Variants in DNAH12 observed in about 807,000 individuals in gnomAD.
DNAH12 encodes axonemal beta dynein heavy chain 12.
A neutral mutation model predicts 371.5 loss-of-function variants in DNAH12; 285 were observed. The observed-to-expected ratio is 0.77, with a 90% CI of 0.70 to 0.85. The LOEUF (loss-of-function observed/expected upper bound fraction) is 0.85, where lower values mean the gene tolerates loss of function less well. Among genes scored for constraint, DNAH12 ranks in the 40% least tolerant of loss-of-function variants. The pLI, the probability that DNAH12 is intolerant of heterozygous loss-of-function variation, is 0.00. For missense variants in DNAH12, 3,611 were observed against 3,689.4 expected (o/e 0.98, Z 0.55); for synonymous variants, 1,200 against 1,213.0 (o/e 0.99, Z 0.22).
intron 25 of DNAH12, among the ~76,000 whole-genome samples, chr3:57,451,443 C>A (rs2065752585): frequency 6.6e-6 from 1 of 152,122 alleles, no homozygotes; most frequent in African/African-American, 2.4e-5. Context: ...CCAGCTTGGG[C>A]AAGCAACGTG....
intron 46 of DNAH12, 97 bp from the exon 47 acceptor site, chr3:57,386,700 A>G (rs1423307717): frequency 6.6e-6 from 1 of 152,236 alleles, no homozygotes; most frequent in Non-Finnish European, 1.5e-5. Flanking sequence ...TAAAGATTAC[A>G]TTTTATACAG....
At chr3:57,391,556 C>CT (rs1479601437) in intron 45 of DNAH12, among the ~76,000 whole-genome samples, 1 of 152,172 alleles carries the variant, frequency 6.6e-6, no homozygotes, top group Non-Finnish European at 1.5e-5. Flanking sequence ...AATACACTCC[C>CT]TCTCTATGTA....
At chr3:57,396,290 C>CAAAAA (rs1159748997) in intron 43 of DNAH12, among the ~76,000 whole-genome samples, 22 of 68,700 alleles carry the variant, frequency 3.2e-4, no homozygotes, top group African/African-American at 4.5e-4. Context: ...AAAAAAAAAA[C>CAAAAA]AAAAAAAAAA....
At chr3:57,467,211 C>T (rs545193398) in intron 17 of DNAH12, among the ~76,000 whole-genome samples, 147 of 151,860 alleles carry the variant, frequency 9.7e-4, no homozygotes, top group Non-Finnish European at 1.8e-3. Flanking sequence ...CTCTGCCTCC[C>T]GGGTTCAAAT....
chr3:57,540,728 G>A (rs2069242381), intron 2 of DNAH12, among the ~76,000 whole-genome samples: 1 of 152,072 alleles, frequency 6.6e-6, no homozygotes, highest in East Asian at 1.9e-4. Flanking sequence ...CCAGGAATTT[G>A]AGACCAGACT....
chr3:57,309,808 T>G lies in DNAH12; in HGVS notation c.10943A>C (p.Asn3648Thr), dbSNP rs1394223977. The G allele has an allele frequency of 6.4e-7, 1 of 1,551,126 alleles. No homozygotes were observed. Among genetic ancestry groups the G allele is most frequent in the East Asian group, 2.4e-5 (1 of 40,906 alleles). ...QHPEIFGLHE[N>T]VDISKDLQQT... is the part of the protein sequence containing the mutation. ...TTGAAGATCCTTGGAGATGTCAACG[T>G]TTTCATGTAATCCAAATATCTCAGG... Residue 3648 changes from asparagine to threonine, a missense_variant, in exon 68 of 74, where the codon AAC (asparagine) becomes ACC (threonine). Transcript: ENST00000495027.
rs540300258 is a variant in DNAH12, at chr3:57,323,372, T to A, written c.10129+97A>T. 4.3e-4 allele frequency: 633 copies of A among 1,472,188 alleles called. 1 individual carries two copies. In the African/African-American group the frequency reaches 5.7e-3, roughly 13 times the overall value. The allele number at this position is 1,472,188 out of a possible 1,614,324, so 91.2% of individuals were successfully genotyped here. ...TTCTAGTTACGTTTCTCTGTAAATA[T>A]CAGATTTACTAACTGATTTATAATC... On this transcript the variant is annotated intron_variant, in intron 63 of 73. Coordinates refer to ENST00000495027, the MANE Select transcript of DNAH12 (RefSeq NM_001366028.2).
At chr3:57,463,863 A>G (rs1559688190) in intron 17 of DNAH12, among the ~76,000 whole-genome samples, 4 of 151,866 alleles carry the variant, frequency 2.6e-5, no homozygotes, top group East Asian at 1.9e-4. Context: ...CGCCTTCTGG[A>G]TTCAAGAGAT....
intron 58 of DNAH12, among the ~76,000 whole-genome samples, chr3:57,362,517 C>A (rs2062958880): frequency 6.6e-6 from 1 of 152,248 alleles, no homozygotes; most frequent in African/African-American, 2.4e-5. Context: ...TCCACATCCT[C>A]TCCAGCACCT....
chr3:57,446,904 T>C (rs1177334010), intron 25 of DNAH12, among the ~76,000 whole-genome samples: 2 of 152,244 alleles, frequency 1.3e-5, no homozygotes, highest in Non-Finnish European at 2.9e-5. Context: ...ACTTGTCTTC[T>C]GACACTTTCA....
chr3:57,538,166 G>T (rs187930801), intron 2 of DNAH12, among the ~76,000 whole-genome samples: 119 of 152,298 alleles, frequency 7.8e-4, no homozygotes, highest in African/African-American at 2.4e-3. Flanking sequence ...TCAGTAAGAG[G>T]TAAAGTTTAG....
intron 52 of DNAH12, among the ~76,000 whole-genome samples, chr3:57,377,601 G>T (rs1186475099): frequency 6.8e-6 from 1 of 148,104 alleles, no homozygotes; most frequent in Non-Finnish European, 1.5e-5. Flanking sequence ...TGTTTTGGGT[G>T]TTTTTTTTTT....
At chr3:57,321,502 T>G (rs2061804820) in intron 65 of DNAH12, among the ~76,000 whole-genome samples, 1 of 152,176 alleles carries the variant, frequency 6.6e-6, no homozygotes, top group Non-Finnish European at 1.5e-5. Flanking sequence ...TCTCCATTCT[T>G]GTACTCACTT....
chr3:57,462,469 C>A (rs1316728865), intron 18 of DNAH12, among the ~76,000 whole-genome samples: 1 of 151,986 alleles, frequency 6.6e-6, no homozygotes, highest in Admixed American at 6.6e-5. Flanking sequence ...CCAGGCTGGT[C>A]TCAAACTCCT....
intron 11 of DNAH12, among the ~76,000 whole-genome samples, chr3:57,500,766 C>T (rs1210579433): frequency 6.6e-6 from 1 of 151,694 alleles, no homozygotes; most frequent in Non-Finnish European, 1.5e-5. Flanking sequence ...GTGCTTATGC[C>T]TTTTTTTTAA....
At chr3:57,308,712 C>T (rs1422377049) in intron 69 of DNAH12, among the ~76,000 whole-genome samples, 1 of 152,186 alleles carries the variant, frequency 6.6e-6, no homozygotes, top group African/African-American at 2.4e-5. Flanking sequence ...CCACTCTTAA[C>T]TCTTAAAGTA....
intron 62 of DNAH12, among the ~76,000 whole-genome samples, chr3:57,329,673 C>T (rs1412239656): frequency 7.4e-4 from 110 of 148,442 alleles, no homozygotes; most frequent in African/African-American, 2.6e-3. Flanking sequence ...ATGTCTAAAA[C>T]ACCAAAAACA....
intron 36 of DNAH12, among the ~76,000 whole-genome samples, chr3:57,420,267 A>T (rs906625978): frequency 5.9e-5 from 9 of 152,186 alleles, no homozygotes; most frequent in Middle Eastern, 3.4e-3. Context: ...ACTGTTAAGT[A>T]AAAAAAGTTT....
At chr3:57,517,235 TTTTA>T (rs757172874) in intron 4 of DNAH12, among the ~76,000 whole-genome samples, 4 of 152,174 alleles carry the variant, frequency 2.6e-5, no homozygotes, top group Non-Finnish European at 4.4e-5. Flanking sequence ...CTTATCACAA[TTTTA>T]TTTATTAAAT....
Sources: gnomAD v4.1 joint callset for allele counts (sites outside exome capture counted in the v4.1 genomes callset) on GRCh38, gnomAD v4.1.1 for gene constraint, MANE v1.5 for transcripts, NCBI Gene and HGNC (gene_info 2026-07-23, HGNC 2026-07-21) for gene names.